SEMA6A: variants seen among roughly 807,000 people sequenced by gnomAD.
SEMA6A encodes the protein semaphorin-6A.
A neutral mutation model predicts 96.8 loss-of-function variants in SEMA6A; 25 were observed. The observed-to-expected ratio is 0.26, with a 90% confidence interval of 0.19 to 0.36. SEMA6A has a LOEUF of 0.36. SEMA6A is among the 10% of genes least tolerant of loss of function. The pLI, the probability that SEMA6A is intolerant of heterozygous loss-of-function variation, is 1.00. For missense variants in SEMA6A, 1,363 were observed against 1,323.1 expected (o/e 1.03, Z -0.47); for synonymous variants, 612 against 518.0 (o/e 1.18, Z -2.46).
chr5:116,451,514 G>A (rs1443431068), intron 18 of SEMA6A, among the ~76,000 whole-genome samples: 1 of 152,200 alleles, frequency 6.6e-6, no homozygotes. Flanking sequence ...AACAACAGAA[G>A]TGGAAAATGT....
intron 5 of SEMA6A, chr5:116,495,746 T>C: frequency 2.2e-6 from 1 of 456,496 alleles, no homozygotes; most frequent in Admixed American, 3.9e-5. Context: ...TGTGTTTATT[T>C]TATGTCACAA....
At chr5:116,558,906 G>C (rs1760705410) in intron 1 of SEMA6A, among the ~76,000 whole-genome samples, 1 of 152,182 alleles carries the variant, frequency 6.6e-6, no homozygotes, top group Non-Finnish European at 1.5e-5. Flanking sequence ...GCCGGGGGGA[G>C]AGGGAGAACA....
intron 18 of SEMA6A, among the ~76,000 whole-genome samples, chr5:116,463,169 A>T (rs986737972): frequency 6.6e-6 from 1 of 152,190 alleles, no homozygotes; most frequent in African/African-American, 2.4e-5. Context: ...GTTAATGAGA[A>T]AACACCAAAC....
chr5:116,458,836 T>A (rs535913695), intron 18 of SEMA6A, among the ~76,000 whole-genome samples: 1 of 152,132 alleles, frequency 6.6e-6, no homozygotes, highest in Non-Finnish European at 1.5e-5. Flanking sequence ...TCTACATCTA[T>A]GCCCACACTA....
chr5:116,515,963 CTTG>C (rs1297106945), intron 1 of SEMA6A, among the ~76,000 whole-genome samples: 3 of 152,160 alleles, frequency 2.0e-5, no homozygotes, highest in African/African-American at 4.8e-5. Flanking sequence ...TTACTGTTTT[CTTG>C]TTGTTTGTCA....
Position 116,488,881 on chromosome 5 carries a change from T to G in SEMA6A, c.655+7A>C. ...TCCGACCCTCCTTCTTTTAATTGTT[T>G]GTTCACCTTTCAACCATTTTGAATC... On this transcript the variant is annotated splice_region_variant and intron_variant, in intron 8 of 18. Transcript: ENST00000343348. The G allele has an allele frequency of 6.4e-7, 1 of 1,557,912 alleles. No homozygotes were observed. The highest frequency in any genetic ancestry group is 8.7e-7 in the Non-Finnish European group (1 of 1,150,120).
intron 6 of SEMA6A, chr5:116,492,205 G>A (rs184423622): frequency 3.6e-5 from 8 of 220,590 alleles, no homozygotes; most frequent in South Asian, 1.5e-4. Context: ...GTGATGCAAC[G>A]GAAATGCCCT....
At chr5:116,516,400 G>A (rs975816774) in intron 1 of SEMA6A, among the ~76,000 whole-genome samples, 7 of 151,882 alleles carry the variant, frequency 4.6e-5, no homozygotes, top group Admixed American at 2.6e-4. Flanking sequence ...TCGTTTATCC[G>A]AAAAAAGCCT....
At chr5:116,560,873 A>C (rs1421402641) in intron 1 of SEMA6A, among the ~76,000 whole-genome samples, 3 of 152,198 alleles carry the variant, frequency 2.0e-5, no homozygotes, top group East Asian at 3.9e-4. Context: ...TCCCAGTTGC[A>C]CTAAAGCCTC....
chr5:116,540,553 T>C (rs186391012), intron 1 of SEMA6A, among the ~76,000 whole-genome samples: 1 of 152,308 alleles, frequency 6.6e-6, no homozygotes, highest in Admixed American at 6.5e-5. Flanking sequence ...CCCCCCATCA[T>C]TCCCACATGT....
At chr5:116,486,267 G>C (rs1343877320) in intron 10 of SEMA6A, among the ~76,000 whole-genome samples, 2 of 152,142 alleles carry the variant, frequency 1.3e-5, no homozygotes, top group South Asian at 2.1e-4. Flanking sequence ...AACTTCAAAA[G>C]GTACTGATCC....
At chr5:116,534,366 T>C (rs1379530138) in intron 1 of SEMA6A, among the ~76,000 whole-genome samples, 1 of 152,152 alleles carries the variant, frequency 6.6e-6, no homozygotes, top group East Asian at 1.9e-4. Context: ...ACACACAGAC[T>C]CCACATCTAC....
At chr5:116,492,071 A>G (rs1243089622) in intron 6 of SEMA6A, among the ~76,000 whole-genome samples, 1 of 152,176 alleles carries the variant, frequency 6.6e-6, no homozygotes, top group African/African-American at 2.4e-5. Flanking sequence ...TCTTCCACCC[A>G]GCACATTTTT....
At chr5:116,469,959 C>G (rs1344555836) in intron 17 of SEMA6A, among the ~76,000 whole-genome samples, 1 of 152,130 alleles carries the variant, frequency 6.6e-6, no homozygotes, top group African/African-American at 2.4e-5. Flanking sequence ...TCTCGATTTT[C>G]TATATGTAAA....
intron 1 of SEMA6A, chr5:116,508,201 ACTGT>A (rs1415073865): frequency 5.9e-5 from 9 of 152,202 alleles, no homozygotes; most frequent in Admixed American, 5.9e-4. Context: ...GACCAAAAGG[ACTGT>A]CTGAAAACCG....
chr5:116,483,554 A>G (rs73254607), intron 10 of SEMA6A, among the ~76,000 whole-genome samples: 9,202 of 152,262 alleles, frequency 0.06, 943 homozygotes, highest in African/African-American at 0.21. Flanking sequence ...GCAAATGTTG[A>G]ACAGATATAA....
chr5:116,545,557 C>T (rs867375996), intron 1 of SEMA6A, among the ~76,000 whole-genome samples: 8 of 152,022 alleles, frequency 5.3e-5, no homozygotes, highest in Non-Finnish European at 1.2e-4. Flanking sequence ...GGGACAAGAG[C>T]GAAACTTCAT....
intron 18 of SEMA6A, among the ~76,000 whole-genome samples, chr5:116,451,319 G>T (rs543521237): frequency 3.3e-5 from 5 of 152,188 alleles, no homozygotes; most frequent in Non-Finnish European, 2.9e-5. Context: ...AGTGATAGTC[G>T]CAGCTGCTCC....
At chr5:116,569,952 A>G (rs1047974585) in intron 1 of SEMA6A, among the ~76,000 whole-genome samples, 1 of 152,164 alleles carries the variant, frequency 6.6e-6, no homozygotes, top group African/African-American at 2.4e-5. Context: ...TGAAGAGGTT[A>G]TTTGGGAATC....
Sources: allele counts gnomAD v4.1 joint callset (sites outside exome capture counted in the v4.1 genomes callset), GRCh38; gene constraint gnomAD v4.1.1; transcripts MANE v1.5; gene names NCBI Gene and HGNC (gene_info 2026-07-23, HGNC 2026-07-21).